Variants in GRIK2 observed in about 807,000 individuals in gnomAD.
The protein encoded by GRIK2 is glutamate ionotropic receptor kainate type subunit 2.
Under a neutral mutation model 100.3 loss-of-function variants are expected in GRIK2, and 32 were observed. The observed-to-expected ratio is 0.32, with a 90% CI of 0.24 to 0.43. GRIK2 has a LOEUF of 0.43. Ranked by LOEUF, GRIK2 falls within the 20% of genes least tolerant of loss-of-function variation. GRIK2 has a pLI of 1.00. For missense variants in GRIK2, 843 were observed against 1,114.9 expected (o/e 0.76, Z 3.47); for synonymous variants, 417 against 389.4 (o/e 1.07, Z -0.83).
At chr6:101,609,634 A>G (rs995569479) in intron 2 of GRIK2, among the ~76,000 whole-genome samples, 6 of 151,796 alleles carry the variant, frequency 4.0e-5, no homozygotes, top group Non-Finnish European at 7.4e-5. Context: ...TTTTGTTTTA[A>G]TACATGAGAC....
chr6:101,878,339 C>A (rs1367778424), intron 11 of GRIK2, among the ~76,000 whole-genome samples: 3 of 55,024 alleles, frequency 5.5e-5, no homozygotes, highest in Non-Finnish European at 1.2e-4. Context: ...TTCAAAGTGT[C>A]AAGTTTTTTT....
chr6:101,721,631 T>C (rs887170600), intron 7 of GRIK2, among the ~76,000 whole-genome samples: 2 of 151,966 alleles, frequency 1.3e-5, no homozygotes, highest in East Asian at 3.9e-4. Flanking sequence ...AATAAATATG[T>C]TTTTATTTTT....
At chr6:102,035,310 C>T in intron 14 of GRIK2, 31 bp from the exon 15 acceptor site, 1 of 1,309,314 alleles carries the variant, frequency 7.6e-7, no homozygotes. Flanking sequence ...GAATAACTTT[C>T]TCGTGACCAA....
chr6:101,870,803 G>C (rs1785365257), intron 11 of GRIK2, among the ~76,000 whole-genome samples: 1 of 151,696 alleles, frequency 6.6e-6, no homozygotes, highest in African/African-American at 2.4e-5. Context: ...ATAGATAAAG[G>C]CATTCTGAAA....
intron 10 of GRIK2, among the ~76,000 whole-genome samples, chr6:101,822,348 C>CAAGTCAGG (rs1038500296): frequency 6.6e-6 from 1 of 150,896 alleles, no homozygotes; most frequent in African/African-American, 2.4e-5. Flanking sequence ...AGTGGAAGGG[C>CAAGTCAGG]AAGTCAGGTT....
chr6:101,858,410 C>T (rs373918726), intron 10 of GRIK2, among the ~76,000 whole-genome samples: 14 of 118,666 alleles, frequency 1.2e-4, no homozygotes, highest in South Asian at 2.8e-4. Flanking sequence ...TTTTTTGAGA[C>T]GGAGTCTCAC....
chr6:101,826,063 CTA>C (rs749493706), intron 10 of GRIK2, among the ~76,000 whole-genome samples: 2 of 152,032 alleles, frequency 1.3e-5, no homozygotes, highest in Non-Finnish European at 2.9e-5. Context: ...CAGTACCTTT[CTA>C]TTCACCCCAG....
intron 4 of GRIK2, among the ~76,000 whole-genome samples, chr6:101,673,107 T>C (rs1770563000): frequency 6.6e-6 from 1 of 152,140 alleles, no homozygotes; most frequent in African/African-American, 2.4e-5. Flanking sequence ...ATTTGCACAC[T>C]ATATCTCTGA....
chr6:101,918,422 C>CT (rs936424759), intron 12 of GRIK2, among the ~76,000 whole-genome samples: 1 of 150,818 alleles, frequency 6.6e-6, no homozygotes, highest in Admixed American at 6.6e-5. Context: ...GTTGAATTAG[C>CT]TTTTTTTTCA....
At chr6:101,617,673 T>C (rs1386715322) in intron 2 of GRIK2, among the ~76,000 whole-genome samples, 1 of 151,844 alleles carries the variant, frequency 6.6e-6, no homozygotes, top group African/African-American at 2.4e-5. Flanking sequence ...TAAATTTTCA[T>C]TTTCCATAAT....
chr6:101,966,862 G>A (rs1485074937), intron 14 of GRIK2, among the ~76,000 whole-genome samples: 2 of 151,976 alleles, frequency 1.3e-5, no homozygotes, highest in African/African-American at 4.8e-5. Flanking sequence ...TCCAGTACTT[G>A]TTATGTACTC....
At chr6:101,601,584 T>G (rs183587997) in intron 2 of GRIK2, among the ~76,000 whole-genome samples, 1 of 151,970 alleles carries the variant, frequency 6.6e-6, no homozygotes, top group Non-Finnish European at 1.5e-5. Context: ...AGATTTGTAG[T>G]TTTTGTTACT....
At chr6:101,958,627 A>C (rs1465851322) in intron 14 of GRIK2, among the ~76,000 whole-genome samples, 4 of 151,868 alleles carry the variant, frequency 2.6e-5, no homozygotes, top group Non-Finnish European at 5.9e-5. Context: ...AATGTTTTCA[A>C]CTTTTTCCTG....
chr6:101,825,870 T>C (rs1188582653), intron 10 of GRIK2, among the ~76,000 whole-genome samples: 2 of 152,076 alleles, frequency 1.3e-5, no homozygotes, highest in Non-Finnish European at 1.5e-5. Flanking sequence ...CCATATACAC[T>C]TGTACAATCT....
At chr6:101,651,553 A>G (rs1781793047) in intron 4 of GRIK2, among the ~76,000 whole-genome samples, 1 of 152,200 alleles carries the variant, frequency 6.6e-6, no homozygotes. Flanking sequence ...AAAATAGAGC[A>G]ATGCAAGAGG....
chr6:101,994,497 A>G (rs1177253900), intron 14 of GRIK2, among the ~76,000 whole-genome samples: 2 of 151,870 alleles, frequency 1.3e-5, no homozygotes, highest in Non-Finnish European at 2.9e-5. Context: ...CTTTTTTTAT[A>G]TCACAAAAAT....
At chr6:101,800,009 T>G (rs1487380894) in intron 8 of GRIK2, among the ~76,000 whole-genome samples, 3 of 152,140 alleles carry the variant, frequency 2.0e-5, no homozygotes, top group African/African-American at 7.2e-5. Context: ...AGGGTTAGCA[T>G]TTACCTTTCT....
chr6:101,943,997 G>A (rs577703939), intron 14 of GRIK2, among the ~76,000 whole-genome samples: 3 of 152,280 alleles, frequency 2.0e-5, no homozygotes, highest in Non-Finnish European at 4.4e-5. Flanking sequence ...ATGTTTTGAA[G>A]GAGGGGCCTG....
chr6:101,449,351 A>G (rs2128248545), intron 2 of GRIK2, among the ~76,000 whole-genome samples: 1 of 151,774 alleles, frequency 6.6e-6, no homozygotes, highest in South Asian at 2.1e-4. Flanking sequence ...GCTGAAATCG[A>G]CACCAAACAT....
Sources: gnomAD v4.1 joint callset for allele counts (sites outside exome capture counted in the v4.1 genomes callset) on GRCh38, gnomAD v4.1.1 for gene constraint, MANE v1.5 for transcripts, NCBI Gene and HGNC (gene_info 2026-07-23, HGNC 2026-07-21) for gene names.